Variants in PIK3C2G observed in about 807,000 individuals in gnomAD.
PIK3C2G encodes phosphatidylinositol 3-kinase C2 domain-containing subunit gamma.
PIK3C2G carries 168 observed loss-of-function variants against 181.1 expected under a neutral mutation model. The observed-to-expected ratio is 0.93, with a 90% CI of 0.82 to 1.05. The LOEUF (loss-of-function observed/expected upper bound fraction) is 1.05. Among genes scored for constraint, PIK3C2G ranks in the 50% least tolerant of loss-of-function variants. The probability of loss-of-function intolerance (pLI) is 0.00; values close to 1 mark genes in which losing one functional copy is unlikely to be tolerated. For missense variants in PIK3C2G, 1,869 were observed against 1,732.8 expected, an observed-to-expected ratio of 1.08 and a Z score of -1.40; for synonymous variants, 573 against 592.2, an observed-to-expected ratio of 0.97 and a Z score of 0.47.
chr12:18,399,562 C>A (rs1001093523), intron 15 of PIK3C2G, 97 bp from the exon 16 acceptor site: 9 of 597,478 alleles, frequency 1.5e-5, no homozygotes, highest in East Asian at 2.9e-5. Flanking sequence ...AAATAAAATT[C>A]AAAGAACTAC....
At chr12:18,620,855 C>T (rs1319107963) in intron 31 of PIK3C2G, among the ~76,000 whole-genome samples, 1 of 152,082 alleles carries the variant, frequency 6.6e-6, no homozygotes, top group African/African-American at 2.4e-5. Flanking sequence ...CATTCATTCT[C>T]AGGTTATTGA....
rs74070256 is a variant in PIK3C2G, at chr12:18,391,413, C to T, written c.2126+161C>T. 4.7e-3 allele frequency among the ~76,000 whole-genome samples: 718 copies of T among 152,142 alleles called. 5 individuals are homozygous for T. Among genetic ancestry groups the T allele is most frequent in the African/African-American group, 0.016 (664 of 41,516 alleles). On this transcript the variant is annotated intron_variant, in intron 15 of 32. Transcript: ENST00000538779. ...TTGGATGGTTAATTAATGTTTAGGA[C>T]GTAAATAAGTAATTTTGTCTGCTTT...
chr12:18,244,675 C>T (rs971418312), upstream of PIK3C2G, among the ~76,000 whole-genome samples: 2 of 152,000 alleles, frequency 1.3e-5, no homozygotes, highest in African/African-American at 4.8e-5. Flanking sequence ...TAGGCACTGC[C>T]GCGATGCTAT....
intron 24 of PIK3C2G, among the ~76,000 whole-genome samples, chr12:18,506,512 G>A (rs1941848458): frequency 6.6e-6 from 1 of 152,160 alleles, no homozygotes; most frequent in South Asian, 2.1e-4. Context: ...TGAAGACAGA[G>A]CCACAGGATC....
chr12:18,247,779 G>A (rs994103643), exon 1 of PIK3C2G: 1 of 152,162 alleles, frequency 6.6e-6, no homozygotes, highest in Non-Finnish European at 1.5e-5. Flanking sequence ...CTTAGTTCCT[G>A]CCACATTCAC....
chr12:18,480,039 A>G (rs1348075915), intron 18 of PIK3C2G, among the ~76,000 whole-genome samples: 1 of 152,152 alleles, frequency 6.6e-6, no homozygotes, highest in Non-Finnish European at 1.5e-5. Context: ...AGAGAGCAGA[A>G]CAAGGTGGAG....
chr12:18,549,839 C>G (rs767499434), intron 26 of PIK3C2G, among the ~76,000 whole-genome samples: 14 of 152,076 alleles, frequency 9.2e-5, no homozygotes, highest in Non-Finnish European at 2.1e-4. Flanking sequence ...TGAGAGACCC[C>G]TAAAGGGTAA....
chr12:18,313,321 A>G (rs1172928560), intron 5 of PIK3C2G, among the ~76,000 whole-genome samples: 1 of 152,224 alleles, frequency 6.6e-6, no homozygotes, highest in African/African-American at 2.4e-5. Flanking sequence ...TAACAGTGCC[A>G]GTAGAAATTT....
intron 20 of PIK3C2G, among the ~76,000 whole-genome samples, chr12:18,495,391 T>C (rs1415105258): frequency 1.3e-5 from 2 of 152,022 alleles, no homozygotes; most frequent in Admixed American, 6.6e-5. Context: ...TTACTGGAAA[T>C]GAGAAGACAA....
chr12:18,507,891 C>T, intron 24 of PIK3C2G, among the ~76,000 whole-genome samples: 1 of 152,272 alleles, frequency 6.6e-6, no homozygotes, highest in Non-Finnish European at 1.5e-5. Flanking sequence ...ATATCAAGCT[C>T]CAGTTTAGCT....
At chr12:18,652,674 C>T (rs1950568408), downstream of PIK3C2G, among the ~76,000 whole-genome samples, 1 of 152,046 alleles carries the variant, frequency 6.6e-6, no homozygotes, top group South Asian at 2.1e-4. Context: ...GAATGGCACA[C>T]CAGTACAAGA....
At chr12:18,710,633 G>T in the PIK3C2G span, among the ~76,000 whole-genome samples, 1 of 152,124 alleles carries the variant, frequency 6.6e-6, no homozygotes, top group Non-Finnish European at 1.5e-5. Context: ...AGAGAAGAGG[G>T]CAGTGGGATC....
At chr12:18,427,303 C>T (rs1462449752) in intron 18 of PIK3C2G, among the ~76,000 whole-genome samples, 1 of 151,342 alleles carries the variant, frequency 6.6e-6, no homozygotes, top group Non-Finnish European at 1.5e-5. Flanking sequence ...GTCAGGAGTC[C>T]GAGATCAGCC....
At chr12:18,318,982 T>C (rs912179331) in intron 6 of PIK3C2G, among the ~76,000 whole-genome samples, 1 of 151,804 alleles carries the variant, frequency 6.6e-6, no homozygotes, top group African/African-American at 2.4e-5. Flanking sequence ...CTACTCAGGA[T>C]GCTGAGGCAC....
chr12:18,622,732 G>T (rs1948918059), intron 31 of PIK3C2G, among the ~76,000 whole-genome samples: 1 of 151,580 alleles, frequency 6.6e-6, no homozygotes, highest in Non-Finnish European at 1.5e-5. Context: ...TTGTCTTTTT[G>T]ATAATAGCTA....
At chr12:18,257,776 AAAAG>A (rs909237918), upstream of PIK3C2G, among the ~76,000 whole-genome samples, 9 of 151,570 alleles carry the variant, frequency 5.9e-5, no homozygotes, top group South Asian at 2.1e-4. Flanking sequence ...AAGAAGAAGA[AAAAG>A]AAAGAAAGAG....
intron 1 of PIK3C2G, among the ~76,000 whole-genome samples, chr12:18,266,858 T>G (rs1434691627): frequency 6.6e-6 from 1 of 151,674 alleles, no homozygotes; most frequent in Non-Finnish European, 1.5e-5. Context: ...TCTCTTCTTT[T>G]TCTTCATTTT....
At chr12:18,676,252 ACC>A in the PIK3C2G span, among the ~76,000 whole-genome samples, 1 of 152,152 alleles carries the variant, frequency 6.6e-6, no homozygotes, top group Admixed American at 6.6e-5. Context: ...CTCTTTTGAG[ACC>A]AGATTTACCT....
Position 18,403,378 on chromosome 12 carries a change from C to T in PIK3C2G, c.2315+3531C>T, listed in dbSNP as rs538900861. On this transcript the variant is annotated intron_variant, in intron 16 of 32. Transcript: ENST00000538779. ...TTTCCATTGTACTCATCCTCTGACT[C>T]CCACTCTCAGTTTTACTGAACTATT... Among the ~76,000 whole-genome samples the T allele has an allele frequency of 2.0e-5, 3 of 152,240 alleles. No individual in the cohort carries two copies. The South Asian group carries it at 6.2e-4, about 32-fold the overall frequency.
Sources: gnomAD v4.1 joint callset for allele counts (sites outside exome capture counted in the v4.1 genomes callset) on GRCh38, gnomAD v4.1.1 for gene constraint, MANE v1.5 for transcripts, NCBI Gene and HGNC (gene_info 2026-07-23, HGNC 2026-07-21) for gene names.